NTM: variants seen among roughly 807,000 people sequenced by gnomAD.
NTM encodes IgLON family member 2.
NTM carries 13 observed loss-of-function variants against 42.1 expected under a neutral mutation model. The observed-to-expected ratio is 0.31, with a 90% CI of 0.20 to 0.49. The LOEUF is 0.49. Ranked by LOEUF, NTM falls within the 20% of genes least tolerant of loss-of-function variation. NTM has a pLI of 0.99. For missense variants in NTM, 373 were observed against 452.8 expected (o/e 0.82, Z 1.60); for synonymous variants, 187 against 179.2 (o/e 1.04, Z -0.35).
At chr11:131,694,093 C>T (rs2075130992) in intron 1 of NTM, among the ~76,000 whole-genome samples, 1 of 152,198 alleles carries the variant, frequency 6.6e-6, no homozygotes, top group Admixed American at 6.5e-5. Flanking sequence ...CACTTGTTCT[C>T]CTCCCTGCCA....
chr11:131,453,412 G>A (rs1950626100), intron 1 of NTM, among the ~76,000 whole-genome samples: 1 of 151,978 alleles, frequency 6.6e-6, no homozygotes, highest in South Asian at 2.1e-4. Flanking sequence ...TAACTACTTG[G>A]TACCAACAAC....
At chr11:132,141,228 T>A (rs978267142) in intron 2 of NTM, among the ~76,000 whole-genome samples, 1 of 152,014 alleles carries the variant, frequency 6.6e-6, no homozygotes, top group African/African-American at 2.4e-5. Flanking sequence ...TCTTTCTCTC[T>A]CTCTTTCTGT....
intron 1 of NTM, among the ~76,000 whole-genome samples, chr11:131,611,263 A>G (rs1394377581): frequency 6.6e-6 from 1 of 152,196 alleles, no homozygotes; most frequent in Non-Finnish European, 1.5e-5. Context: ...GCTTTTCTTA[A>G]ACTTGTTAAG....
At chr11:132,013,719 A>C (rs1451937122) in intron 2 of NTM, among the ~76,000 whole-genome samples, 1 of 152,102 alleles carries the variant, frequency 6.6e-6, no homozygotes. Context: ...TATCCACTTT[A>C]AGTGTACAAT....
chr11:132,235,478 G>A (rs1340860627), intron 4 of NTM, among the ~76,000 whole-genome samples: 3 of 152,176 alleles, frequency 2.0e-5, no homozygotes, highest in Admixed American at 1.3e-4. Context: ...TGCCTAGAAT[G>A]TAGTACTTTT....
At chr11:131,846,789 G>A (rs777532964) in intron 1 of NTM, among the ~76,000 whole-genome samples, 2 of 152,136 alleles carry the variant, frequency 1.3e-5, no homozygotes, top group African/African-American at 2.4e-5. Flanking sequence ...GCTGGGCTGA[G>A]GAGGCAGGAT....
At chr11:132,316,651 T>A (rs554689612) in intron 7 of NTM, among the ~76,000 whole-genome samples, 54 of 152,310 alleles carry the variant, frequency 3.5e-4, no homozygotes, top group South Asian at 1.9e-3. Context: ...GAAACCAATT[T>A]AATTTGTTAG....
At chr11:131,823,092 T>C (rs1036330582) in intron 1 of NTM, among the ~76,000 whole-genome samples, 3 of 152,186 alleles carry the variant, frequency 2.0e-5, no homozygotes, top group African/African-American at 7.2e-5. Flanking sequence ...TGTTTTTCCA[T>C]AGAAGCACGT....
In NTM at chr11:132,043,016, T is replaced by G. The variant is rs560404976; in HGVS notation, c.168-103266T>G. Among the ~76,000 whole-genome samples the G allele has an allele frequency of 4.6e-5, 7 of 152,312 alleles. No homozygotes were observed. In the South Asian group the frequency reaches 1.4e-3, roughly 32 times the overall value. On this transcript the variant is annotated intron_variant, in intron 2 of 8. Coordinates refer to ENST00000683400, the MANE Select transcript of NTM (RefSeq NM_001352005.2). ...TGCCTCTGTTACATAAGTGGAAGTA[T>G]GAAGAGGCCTTGATTAAAGTGGAAT...
chr11:132,277,923 T>C (rs1016801172), intron 4 of NTM, among the ~76,000 whole-genome samples: 33 of 152,190 alleles, frequency 2.2e-4, no homozygotes, highest in Admixed American at 6.5e-5. Context: ...TTCCAAGAAA[T>C]TGAAAGCATA....
At chr11:132,096,898 G>A (rs1318520074) in intron 2 of NTM, among the ~76,000 whole-genome samples, 1 of 152,154 alleles carries the variant, frequency 6.6e-6, no homozygotes, top group Non-Finnish European at 1.5e-5. Context: ...GCTGGCCCTG[G>A]GAGTGTACAG....
chr11:131,410,535 A>AG (rs1358944373), intron 1 of NTM, among the ~76,000 whole-genome samples: 2 of 149,360 alleles, frequency 1.3e-5, no homozygotes, highest in Non-Finnish European at 3.0e-5. Context: ...AAAAAAAAAA[A>AG]AAAAAAAACA....
intron 4 of NTM, among the ~76,000 whole-genome samples, chr11:132,241,166 A>C (rs1222794306): frequency 2.6e-5 from 4 of 152,246 alleles, no homozygotes; most frequent in Non-Finnish European, 4.4e-5. Context: ...AGTATTTCAA[A>C]AAATCCAAAA....
intron 1 of NTM, among the ~76,000 whole-genome samples, chr11:131,644,693 C>T (rs2065553750): frequency 6.6e-6 from 1 of 152,112 alleles, no homozygotes; most frequent in African/African-American, 2.4e-5. Context: ...TGTAGAATTT[C>T]TCAATTTCCT....
intron 1 of NTM, among the ~76,000 whole-genome samples, chr11:131,825,207 A>C (rs1290897467): frequency 6.6e-6 from 1 of 152,134 alleles, no homozygotes. Flanking sequence ...TCTTGTATGC[A>C]TCTGTGCCCA....
intron 4 of NTM, among the ~76,000 whole-genome samples, chr11:132,248,798 G>A (rs1177711792): frequency 6.6e-6 from 1 of 152,232 alleles, no homozygotes; most frequent in Non-Finnish European, 1.5e-5. Context: ...AGACTCAGCC[G>A]TTGCTATGCA....
intron 1 of NTM, among the ~76,000 whole-genome samples, chr11:131,382,915 C>CTT (rs71475748): frequency 3.3e-5 from 5 of 151,384 alleles, no homozygotes; most frequent in African/African-American, 7.3e-5. Context: ...TAGTTTCATT[C>CTT]TTTTTTTTTG....
intron 1 of NTM, among the ~76,000 whole-genome samples, chr11:131,680,054 C>T (rs995042682): frequency 1.3e-5 from 2 of 151,998 alleles, no homozygotes; most frequent in African/African-American, 4.8e-5. Flanking sequence ...TCAGTAAATC[C>T]CTCCTGGACA....
intron 2 of NTM, among the ~76,000 whole-genome samples, chr11:131,997,487 C>T (rs1169172053): frequency 1.3e-5 from 2 of 152,152 alleles, no homozygotes; most frequent in African/African-American, 2.4e-5. Flanking sequence ...CGATGGGCCT[C>T]AGCTAAGAGC....
Sources: gnomAD v4.1 joint callset for allele counts (sites outside exome capture counted in the v4.1 genomes callset) on GRCh38, gnomAD v4.1.1 for gene constraint, MANE v1.5 for transcripts, NCBI Gene and HGNC (gene_info 2026-07-23, HGNC 2026-07-21) for gene names.